The following PRIM2 variants were observed in gnomAD, a reference collection of about 807,000 sequenced individuals.
PRIM2 encodes DNA primase large subunit.
A neutral mutation model predicts 67.3 loss-of-function variants in PRIM2; 39 were observed. The observed-to-expected ratio is 0.58, with a 90% CI of 0.45 to 0.76. The LOEUF is 0.76. Among genes scored for constraint, PRIM2 ranks in the 30% least tolerant of loss-of-function variants. The pLI is 0.00. For synonymous variants in PRIM2, 143 were observed against 198.7 expected (o/e 0.72, Z 2.36); for missense variants, 398 against 598.7 (o/e 0.66, Z 3.50).
chr6:57,281,593 T>A, the PRIM2 span, among the ~76,000 whole-genome samples: 1 of 152,156 alleles, frequency 6.6e-6, no homozygotes, highest in Non-Finnish European at 1.5e-5. Context: ...TTCATAGACA[T>A]GCCCAACCTG....
intron 13 of PRIM2, among the ~76,000 whole-genome samples, chr6:57,638,575 G>GAAAAA (rs1777164425): frequency 2.5e-4 from 3 of 12,120 alleles, no homozygotes; most frequent in African/African-American, 8.4e-4. Context: ...CAAACAGAAA[G>GAAAAA]CAAAAAAAAA....
At chr6:57,583,559 T>C (rs1219087529) in intron 10 of PRIM2, among the ~76,000 whole-genome samples, 16 of 152,088 alleles carry the variant, frequency 1.1e-4, no homozygotes, top group African/African-American at 3.4e-4. Context: ...CCACATTTTC[T>C]TAATCCAGTC....
chr6:57,643,928 A>G (rs1777290490), intron 13 of PRIM2, among the ~76,000 whole-genome samples: 1 of 152,226 alleles, frequency 6.6e-6, no homozygotes, highest in South Asian at 2.1e-4. Flanking sequence ...TTAGATAAGT[A>G]TTACCAGAAA....
chr6:57,376,156 C>T (rs553649834), intron 5 of PRIM2, among the ~76,000 whole-genome samples: 1 of 152,308 alleles, frequency 6.6e-6, no homozygotes, highest in East Asian at 1.9e-4. Flanking sequence ...CGTGATCATA[C>T]CATTGCATTC....
chr6:57,247,867 A>C, the PRIM2 span, among the ~76,000 whole-genome samples: 2 of 152,224 alleles, frequency 1.3e-5, no homozygotes, highest in East Asian at 3.8e-4. Flanking sequence ...TGTAGCCCTG[A>C]CTAGTGGGTG....
At chr6:57,640,219 A>T (rs1386818285) in intron 13 of PRIM2, among the ~76,000 whole-genome samples, 43 of 152,322 alleles carry the variant, frequency 2.8e-4, no homozygotes, top group African/African-American at 9.4e-4. Context: ...TAAACTAGGT[A>T]TTGATGGCAC....
upstream of PRIM2, among the ~76,000 whole-genome samples, chr6:57,311,784 C>T (rs893262988): frequency 1.3e-5 from 2 of 152,004 alleles, no homozygotes; most frequent in Non-Finnish European, 2.9e-5. Flanking sequence ...CCCAGCACCT[C>T]GGGAGGCGGA....
chr6:57,381,138 T>C (rs73751341), intron 6 of PRIM2, among the ~76,000 whole-genome samples: 36 of 152,322 alleles, frequency 2.4e-4, no homozygotes, highest in Middle Eastern at 3.4e-3. Flanking sequence ...CTGTTTGACT[T>C]TCCGTGTGTG....
chr6:57,424,780 A>G (rs1266962272), intron 7 of PRIM2, among the ~76,000 whole-genome samples: 7 of 152,212 alleles, frequency 4.6e-5, no homozygotes, highest in Admixed American at 1.3e-4. Flanking sequence ...TGAAGCTAGA[A>G]ATATTTTTTG....
intron 5 of PRIM2, among the ~76,000 whole-genome samples, chr6:57,348,142 T>A (rs908634638): frequency 6.6e-6 from 1 of 152,066 alleles, no homozygotes; most frequent in African/African-American, 2.4e-5. Flanking sequence ...GGGAAAACAT[T>A]ATATTCATCC....
At chr6:57,625,077 T>A (rs1256716772) in intron 12 of PRIM2, among the ~76,000 whole-genome samples, 1 of 152,068 alleles carries the variant, frequency 6.6e-6, no homozygotes, top group Non-Finnish European at 1.5e-5. Context: ...TCCCACCAGG[T>A]CCCTCCCATG....
intron 5 of PRIM2, among the ~76,000 whole-genome samples, chr6:57,357,055 T>A (rs4712148): frequency 0.47 from 70,808 of 150,980 alleles, 16,579 homozygotes; most frequent in South Asian, 0.56. Flanking sequence ...TGCCTCAGCC[T>A]CCCAAGTAGC....
the PRIM2 span, among the ~76,000 whole-genome samples, chr6:57,231,608 A>G: frequency 6.6e-6 from 1 of 152,248 alleles, no homozygotes; most frequent in East Asian, 1.9e-4. Context: ...AATGCAAATT[A>G]AACAATAAGG....
chr6:57,319,537 T>C (rs1477843421), intron 2 of PRIM2, among the ~76,000 whole-genome samples: 1 of 152,204 alleles, frequency 6.6e-6, no homozygotes, highest in Non-Finnish European at 1.5e-5. Context: ...CAATACTTCA[T>C]AGGGATTAAG....
chr6:57,405,423 C>G (rs1306005380), intron 7 of PRIM2, among the ~76,000 whole-genome samples: 18 of 147,148 alleles, frequency 1.2e-4, no homozygotes, highest in African/African-American at 4.0e-4. Context: ...TCTGATTCAT[C>G]ATTAATGAGA....
chr6:57,433,226 T>C (rs760960714), intron 7 of PRIM2, among the ~76,000 whole-genome samples: 3 of 152,052 alleles, frequency 2.0e-5, no homozygotes, highest in Non-Finnish European at 2.9e-5. Flanking sequence ...TAAACCTTTG[T>C]TCTATTTTAT....
At chr6:57,466,656 T>A (rs1477936958) in intron 7 of PRIM2, among the ~76,000 whole-genome samples, 3 of 152,212 alleles carry the variant, frequency 2.0e-5, no homozygotes, top group Non-Finnish European at 4.4e-5. Flanking sequence ...TCGCCCACTT[T>A]TTGAAGGGAT....
At chr6:57,470,416 CT>C (rs1376887378) in intron 7 of PRIM2, among the ~76,000 whole-genome samples, 1 of 60,646 alleles carries the variant, frequency 1.6e-5, no homozygotes, top group Non-Finnish European at 3.2e-5. Context: ...CCCTCTCCCC[CT>C]CTCCCCTCTC....
chr6:57,515,695 G>A (rs1554348184), intron 8 of PRIM2, among the ~76,000 whole-genome samples: 1 of 152,160 alleles, frequency 6.6e-6, no homozygotes, highest in Non-Finnish European at 1.5e-5. Context: ...GATATTTAGC[G>A]ATGACACTAG....
Sources: gnomAD v4.1 joint callset for allele counts (sites outside exome capture counted in the v4.1 genomes callset) on GRCh38, gnomAD v4.1.1 for gene constraint, MANE v1.5 for transcripts, NCBI Gene and HGNC (gene_info 2026-07-23, HGNC 2026-07-21) for gene names.